Variants in RPH3A observed in about 807,000 individuals in gnomAD.
RPH3A encodes the protein rabphilin 3A, also known as rabphilin-3A.
Under a neutral mutation model 102.2 loss-of-function variants are expected in RPH3A, and 48 were observed. The ratio of observed to expected loss-of-function variants is 0.47; its 90% CI spans 0.37 to 0.60. The LOEUF is 0.60. RPH3A is among the 20% of genes least tolerant of loss of function. The pLI is 0.00. For missense variants in RPH3A, 781 were observed against 910.1 expected (o/e 0.86, Z 1.83); for synonymous variants, 310 against 324.3 (o/e 0.96, Z 0.47).
At chr12:112,755,539 C>G (rs529529879) in intron 1 of RPH3A, among the ~76,000 whole-genome samples, 1 of 152,212 alleles carries the variant, frequency 6.6e-6, no homozygotes, top group Non-Finnish European at 1.5e-5. Context: ...TAGCTGATAA[C>G]GTTGAGAGTC....
chr12:112,636,155 C>T (rs1466732653), intron 1 of RPH3A, among the ~76,000 whole-genome samples: 1 of 152,180 alleles, frequency 6.6e-6, no homozygotes, highest in East Asian at 1.9e-4. Flanking sequence ...AAACATTTGA[C>T]TTTCACCTGA....
At chr12:112,879,265 G>A (rs764451895) in intron 14 of RPH3A, 67 bp downstream of exon 14, 14 of 1,330,040 alleles carry the variant, frequency 1.1e-5, no homozygotes, top group Non-Finnish European at 1.5e-5. Context: ...ACTCAGATGG[G>A]GATGGATGAC....
At chr12:112,635,856 G>T (rs1188566133) in intron 1 of RPH3A, among the ~76,000 whole-genome samples, 2 of 152,064 alleles carry the variant, frequency 1.3e-5, no homozygotes, top group Non-Finnish European at 2.9e-5. Flanking sequence ...GACTTTCTTT[G>T]GCAGTAACAA....
chr12:112,621,131 C>A (rs1174007028), intron 1 of RPH3A, among the ~76,000 whole-genome samples: 2 of 151,942 alleles, frequency 1.3e-5, no homozygotes, highest in African/African-American at 4.8e-5. Flanking sequence ...ACATGAGCCA[C>A]CGTGCCTGGC....
chr12:112,826,902 G>T (rs2041886127), intron 2 of RPH3A, among the ~76,000 whole-genome samples: 1 of 152,044 alleles, frequency 6.6e-6, no homozygotes, highest in Middle Eastern at 3.2e-3. Flanking sequence ...AAACATTCTT[G>T]TACATGTCTT....
At chr12:112,648,382 T>C (rs2039947088) in intron 1 of RPH3A, among the ~76,000 whole-genome samples, 1 of 151,212 alleles carries the variant, frequency 6.6e-6, no homozygotes, top group Non-Finnish European at 1.5e-5. Context: ...CTGTGCAAAA[T>C]GTTTTTGTTT....
intron 1 of RPH3A, among the ~76,000 whole-genome samples, chr12:112,723,345 G>T (rs531777940): frequency 6.6e-6 from 1 of 152,120 alleles, no homozygotes; most frequent in African/African-American, 2.4e-5. Context: ...CTAGAGAAAA[G>T]AAAATGTAAT....
chr12:112,638,489 C>T (rs144357885), intron 1 of RPH3A, among the ~76,000 whole-genome samples: 1 of 152,196 alleles, frequency 6.6e-6, no homozygotes, highest in African/African-American at 2.4e-5. Context: ...ATACTCCTAT[C>T]TCTAATCAAC....
intron 1 of RPH3A, among the ~76,000 whole-genome samples, chr12:112,765,819 G>C (rs1456296998): frequency 6.6e-6 from 1 of 152,172 alleles, no homozygotes; most frequent in South Asian, 2.1e-4. Flanking sequence ...TATGGAAATT[G>C]ATTTAGCTCC....
At chr12:112,725,347 A>G (rs957257240) in intron 1 of RPH3A, among the ~76,000 whole-genome samples, 2 of 150,204 alleles carry the variant, frequency 1.3e-5, no homozygotes, top group African/African-American at 4.9e-5. Context: ...TCATTGTACC[A>G]CTTCCCTGAC....
In RPH3A at chr12:112,883,338, A is replaced by G. The variant is rs2136250236; in HGVS notation, c.1372A>G (p.Ile458Val). ...TKTLRNTRNPIWNETLVYHGI... is the reference protein window; with the variant it reads ...TKTLRNTRNPVWNETLVYHGI... The stretch of plus-strand genomic sequence containing the variant: ...AACTCTGCGGAATACCCGGAACCCC[A>G]TCTGGAATGAGACCCTCGTGTATCA... The change falls in exon 16 of 22, where the codon ATC becomes GTC. Residue 458 changes from isoleucine to valine, a missense_variant. By Grantham distance (29) the Ile-to-Val change is conservative (BLOSUM62 3). Transcript: ENST00000389385. 2 of 1,614,110 alleles carry G rather than the reference A, an allele frequency of 1.2e-6. No homozygotes were observed. The highest frequency in any genetic ancestry group is 1.7e-6 in the Non-Finnish European group (2 of 1,180,010).
In RPH3A at chr12:112,869,793, G is replaced by A. The variant is rs771658689; in HGVS notation, c.645G>A (p.Lys215=). Residue 215 remains lysine (K), a synonymous_variant, in exon 9 of 22, where the codon AAG becomes AAA. Transcript: ENST00000389385. ...DSEDRRGPGQ[K]TGPDPASAPG... is the part of the protein sequence containing the mutation. The stretch of plus-strand genomic sequence containing the variant: ...AAGATAGGAGGGGCCCGGGTCAGAA[G>A]ACAGGTGGGTTCTGCTGACTCTGTT... 1.9e-6 allele frequency: 3 copies of A among 1,614,044 alleles called. No individual in the cohort carries two copies. In the East Asian group the frequency reaches 6.7e-5, roughly 36 times the overall value.
At chr12:112,803,956 A>G (rs1452640486) in intron 2 of RPH3A, among the ~76,000 whole-genome samples, 1 of 152,270 alleles carries the variant, frequency 6.6e-6, no homozygotes, top group East Asian at 1.9e-4. Flanking sequence ...GGCTGCGAGA[A>G]TTCCATGAGT....
chr12:112,727,210 C>T (rs965134042), intron 1 of RPH3A, among the ~76,000 whole-genome samples: 5 of 151,024 alleles, frequency 3.3e-5, no homozygotes, highest in Admixed American at 6.6e-5. Flanking sequence ...AGAGACATAT[C>T]GAAGAGGTGT....
At chr12:112,696,305 G>A (rs1352470821) in intron 1 of RPH3A, among the ~76,000 whole-genome samples, 2 of 152,192 alleles carry the variant, frequency 1.3e-5, no homozygotes, top group African/African-American at 4.8e-5. Context: ...GTGTGTGTAT[G>A]TGTGTTTTCC....
chr12:112,822,552 A>G (rs1012910640), intron 2 of RPH3A, among the ~76,000 whole-genome samples: 1 of 152,212 alleles, frequency 6.6e-6, no homozygotes, highest in African/African-American at 2.4e-5. Context: ...ACCAATGGCA[A>G]AGGAGGAGAA....
chr12:112,603,665 T>G (rs576193374), intron 1 of RPH3A, among the ~76,000 whole-genome samples: 1 of 152,330 alleles, frequency 6.6e-6, no homozygotes, highest in East Asian at 1.9e-4. Context: ...TCTCAAGATA[T>G]CGGGTTAACA....
intron 1 of RPH3A, among the ~76,000 whole-genome samples, chr12:112,712,954 C>CTTCTTCTTCTTCTTCTTCTTCTTCT (rs1565856945): frequency 1.9e-5 from 2 of 105,672 alleles, no homozygotes; most frequent in African/African-American, 3.2e-5. Context: ...TCTTCTTCTT[C>CTTCTTCTTCTTCTTCTTCTTCTTCT]TTCTTCTTCT....
intron 21 of RPH3A, 133 bp downstream of exon 21, chr12:112,896,006 G>T: frequency 1.6e-6 from 1 of 641,524 alleles, no homozygotes; most frequent in South Asian, 2.0e-5. Flanking sequence ...GCTAAATTGA[G>T]ACCCATGATC....
Sources: gnomAD v4.1 joint callset for allele counts (sites outside exome capture counted in the v4.1 genomes callset) on GRCh38, gnomAD v4.1.1 for gene constraint, MANE v1.5 for transcripts, NCBI Gene and HGNC (gene_info 2026-07-23, HGNC 2026-07-21) for gene names.